The following SLC17A8 variants were observed in gnomAD, a reference collection of about 807,000 sequenced individuals.
SLC17A8 encodes the protein vesicular glutamate transporter 3.
Under a neutral mutation model 58.0 loss-of-function variants are expected in SLC17A8, and 31 were observed. The observed-to-expected ratio is 0.53, with a 90% CI of 0.40 to 0.72. The LOEUF (loss-of-function observed/expected upper bound fraction) is 0.72, where lower values mean the gene tolerates loss of function less well. Ranked by LOEUF, SLC17A8 falls within the 30% of genes least tolerant of loss-of-function variation. The pLI is 0.00. For synonymous variants in SLC17A8, 228 were observed against 249.0 expected (o/e 0.92, Z 0.79); for missense variants, 655 against 727.8 (o/e 0.90, Z 1.15).
Position 100,421,525 on chromosome 12 carries a change from G to A in SLC17A8, c.*1366G>A, listed in dbSNP as rs1056785370. The A allele has an allele frequency of 6.6e-6, 1 of 151,918 alleles. No individual in the cohort carries two copies. Among genetic ancestry groups the A allele is most frequent in the Non-Finnish European group, 1.5e-5 (1 of 67,976 alleles). 9.4% of individuals were successfully genotyped at this position (151,918 alleles called of 1,614,324 possible). On this transcript the variant is annotated 3_prime_UTR_variant, in exon 12 of 12. Coordinates refer to ENST00000323346, the MANE Select transcript of SLC17A8 (RefSeq NM_139319.3). ...TAGATATATTTAAAATTTTAACATT[G>A]GCATCTAAAGTGTTATTTGAAAATA...
chr12:100,358,967 C>A (rs1952466306), intron 1 of SLC17A8, among the ~76,000 whole-genome samples: 1 of 152,000 alleles, frequency 6.6e-6, no homozygotes, highest in Non-Finnish European at 1.5e-5. Flanking sequence ...CATAGAGAGA[C>A]CATGTCTCTA....
rs1289803967 is a variant in SLC17A8, at chr12:100,395,545, C to T, written c.589-785C>T. 4.6e-5 allele frequency among the ~76,000 whole-genome samples: 7 copies of T among 151,898 alleles called. No homozygotes were observed. The South Asian group carries it at 8.3e-4, about 18-fold the overall frequency. On this transcript the variant is annotated intron_variant, in intron 4 of 11. Transcript: ENST00000323346. ...TTTGCCATGTTGGCCAGGCTGGTCT[C>T]GAACTCCTGACTTAGGTGATCCGCC...
intron 10 of SLC17A8, among the ~76,000 whole-genome samples, chr12:100,417,644 G>C (rs1184587042): frequency 6.6e-6 from 1 of 152,212 alleles, no homozygotes; most frequent in Non-Finnish European, 1.5e-5. Flanking sequence ...GTAGGAGTGG[G>C]AATATTATAA....
At chr12:100,413,098 T>G (rs1952882219) in intron 10 of SLC17A8, among the ~76,000 whole-genome samples, 1 of 152,134 alleles carries the variant, frequency 6.6e-6, no homozygotes, top group African/African-American at 2.4e-5. Context: ...TCCTACTTAC[T>G]TTGTTACGGG....
chr12:100,357,639 A>G, intron 1 of SLC17A8, 147 bp downstream of exon 1: 1 of 682,510 alleles, frequency 1.5e-6, no homozygotes, highest in Non-Finnish European at 2.7e-6. Context: ...TTCTAGCTCC[A>G]GTAGTCTATG....
rs374385442 is a variant in SLC17A8, at chr12:100,382,495, C to T, written c.354+1542C>T. 6.6e-5 allele frequency among the ~76,000 whole-genome samples: 10 copies of T among 152,294 alleles called. No homozygotes were observed. In the South Asian group the frequency reaches 2.1e-3, roughly 32 times the overall value. ...GACACCCCATAAATGCATGTTTCAT[C>T]GTACTAAACTCACACACTGCAATGA... On this transcript the variant is annotated intron_variant, in intron 2 of 11. Coordinates refer to ENST00000323346, the MANE Select transcript of SLC17A8 (RefSeq NM_139319.3).
chr12:100,384,941 T>A (rs1952662577), intron 2 of SLC17A8, among the ~76,000 whole-genome samples: 1 of 152,136 alleles, frequency 6.6e-6, no homozygotes, highest in South Asian at 2.1e-4. Flanking sequence ...TTCTTTCCTC[T>A]TCCCTGGCTT....
At chr12:100,395,680 T>G (rs1952748578) in intron 4 of SLC17A8, among the ~76,000 whole-genome samples, 1 of 151,854 alleles carries the variant, frequency 6.6e-6, no homozygotes, top group Admixed American at 6.6e-5. Context: ...TGGTGCAATC[T>G]CAGCTCACTG....
At chr12:100,404,253 C>T (rs7956993) in intron 9 of SLC17A8, 83 bp downstream of exon 9, 3 of 1,561,086 alleles carry the variant, frequency 1.9e-6, no homozygotes, top group Non-Finnish European at 2.6e-6. Flanking sequence ...TAAGAAGTGA[C>T]ATTTAGTCAT....
intron 9 of SLC17A8, among the ~76,000 whole-genome samples, chr12:100,406,976 G>C (rs536294382): frequency 6.6e-6 from 1 of 152,146 alleles, no homozygotes; most frequent in Non-Finnish European, 1.5e-5. Context: ...GATGGAGAGA[G>C]GGGGGTCAAT....
intron 1 of SLC17A8, among the ~76,000 whole-genome samples, chr12:100,366,424 C>A (rs529015458): frequency 2.2e-4 from 34 of 152,270 alleles, no homozygotes; most frequent in African/African-American, 7.9e-4. Flanking sequence ...CACTTATTAC[C>A]TGACCCTTAT....
rs987391755 is a variant in SLC17A8, at chr12:100,375,788, T to G, written c.102-4913T>G. On this transcript the variant is annotated intron_variant, in intron 1 of 11. Coordinates refer to ENST00000323346, the MANE Select transcript of SLC17A8 (RefSeq NM_139319.3). ...ACTTTTTACGTACCAGGCACTGCCG[T>G]GAATCATTTACATGCATCAATCATT... Among the ~76,000 whole-genome samples the G allele has an allele frequency of 7.2e-5, 11 of 152,338 alleles. No individual in the cohort carries two copies. In the South Asian group the frequency reaches 1.0e-3, roughly 14 times the overall value.
intron 2 of SLC17A8, among the ~76,000 whole-genome samples, chr12:100,390,136 T>C (rs1952704785): frequency 6.6e-6 from 1 of 151,986 alleles, no homozygotes; most frequent in Non-Finnish European, 1.5e-5. Flanking sequence ...GGCTAGATTT[T>C]TGATTTTTTG....
chr12:100,400,942 G>A (rs1952786407), intron 5 of SLC17A8, among the ~76,000 whole-genome samples: 2 of 150,552 alleles, frequency 1.3e-5, no homozygotes, highest in South Asian at 4.2e-4. Context: ...CCATTCAGGA[G>A]CTGAATGGAG....
chr12:100,380,027 C>T (rs189104393), intron 1 of SLC17A8, among the ~76,000 whole-genome samples: 4 of 152,020 alleles, frequency 2.6e-5, no homozygotes, highest in African/African-American at 4.8e-5. Flanking sequence ...GGAGAAACCC[C>T]GTCTCTACTG....
chr12:100,398,878 A>G (rs1252846121), intron 5 of SLC17A8, among the ~76,000 whole-genome samples: 1 of 151,866 alleles, frequency 6.6e-6, no homozygotes, highest in African/African-American at 2.4e-5. Context: ...TAAAAACGGG[A>G]GTTTCTCTGC....
chr12:100,381,372 T>C (rs1255499889), intron 2 of SLC17A8, among the ~76,000 whole-genome samples: 2 of 151,982 alleles, frequency 1.3e-5, no homozygotes, highest in Non-Finnish European at 2.9e-5. Context: ...GACAAGTAAG[T>C]GATGACAGTT....
Position 100,404,067 on chromosome 12 carries a change from G to T in SLC17A8, c.1083G>T (p.Met361Ile). The T allele has an allele frequency of 1.9e-6, 3 of 1,614,070 alleles. No individual in the cohort carries two copies. In the South Asian group the frequency reaches 3.3e-5, roughly 18 times the overall value. ...GTCTCTTGTCAGCAGTCCCACACAT[G>T]GTTATGACAATCGTTGTACCTATTG... Reference protein sequence around the residue: ...KVGLLSAVPHMVMTIVVPIGG... With the variant: ...KVGLLSAVPHIVMTIVVPIGG... Residue 361 changes from methionine to isoleucine, a missense_variant, in exon 9 of 12, where the codon ATG (methionine) becomes ATT (isoleucine). By Grantham distance (10) the Met-to-Ile change is conservative. Transcript: ENST00000323346.
intron 9 of SLC17A8, among the ~76,000 whole-genome samples, chr12:100,408,793 C>T (rs1289567764): frequency 1.3e-5 from 2 of 152,104 alleles, no homozygotes; most frequent in African/African-American, 4.8e-5. Flanking sequence ...AGCCAGATGC[C>T]TTGTTATTTA....
Sources: gnomAD v4.1 joint callset for allele counts (sites outside exome capture counted in the v4.1 genomes callset) on GRCh38, gnomAD v4.1.1 for gene constraint, MANE v1.5 for transcripts, NCBI Gene and HGNC (gene_info 2026-07-23, HGNC 2026-07-21) for gene names.